Variants in BCAP31 observed in about 807,000 individuals in gnomAD.
BCAP31 encodes B-cell receptor-associated protein 31.
For synonymous variants in BCAP31, 75 were observed against 80.9 expected (o/e 0.93, Z 0.39); for missense variants, 124 against 193.0 (o/e 0.64, Z 2.12).
chrX:153,703,530 C>A (rs1374152836), intron 5 of BCAP31, among the ~76,000 whole-genome samples: 1 of 113,224 alleles, frequency 8.8e-6, no homozygotes, highest in African/African-American at 3.2e-5. Context: ...CCTGACGGGA[C>A]GTCTAAGACT....
chrX:153,723,649 A>C, intron 1 of BCAP31: 4 of 1,158,203 alleles, frequency 3.5e-6, no homozygotes, highest in Non-Finnish European at 4.6e-6. Context: ...CAAGAGGAGG[A>C]CGCCTCGGCA....
chrX:153,723,955 C>G, intron 1 of BCAP31: 1 of 460,415 alleles, frequency 2.2e-6, no homozygotes, highest in Non-Finnish European at 4.0e-6. Context: ...GACCAAGCAC[C>G]TCAAGGCCCC....
chrX:153,711,978 C>T (rs2091594923), intron 4 of BCAP31, among the ~76,000 whole-genome samples: 1 of 108,252 alleles, frequency 9.2e-6, no homozygotes, highest in African/African-American at 3.3e-5. Flanking sequence ...AAGAAAGAGA[C>T]AGATAATAGG....
At chrX:153,717,186 G>A (rs533075409) in intron 3 of BCAP31, among the ~76,000 whole-genome samples, 4 of 112,343 alleles carry the variant, frequency 3.6e-5, no homozygotes, top group East Asian at 5.6e-4. Context: ...GGTGCAGAGT[G>A]GGCACTGAAA....
At chrX:153,719,104 G>T (rs917051644) in intron 3 of BCAP31, among the ~76,000 whole-genome samples, 2 of 111,879 alleles carry the variant, frequency 1.8e-5, no homozygotes, top group African/African-American at 6.5e-5. Flanking sequence ...TCCCAAAAAA[G>T]AATGAAGGCT....
intron 3 of BCAP31, among the ~76,000 whole-genome samples, chrX:153,716,581 A>C (rs1403178309): frequency 6.3e-5 from 6 of 95,004 alleles, no homozygotes; most frequent in African/African-American, 1.5e-4. Context: ...CTCTCAACAA[A>C]AAAAAAAAAA....
At chrX:153,717,873 A>AC (rs1398571070) in intron 3 of BCAP31, among the ~76,000 whole-genome samples, 1 of 112,619 alleles carries the variant, frequency 8.9e-6, no homozygotes, top group African/African-American at 3.2e-5. Flanking sequence ...AAATGTTCAT[A>AC]CCCTCGGGTT....
intron 4 of BCAP31, among the ~76,000 whole-genome samples, chrX:153,711,118 G>A (rs1353488139): frequency 1.8e-5 from 2 of 111,047 alleles, no homozygotes; most frequent in African/African-American, 3.3e-5. Flanking sequence ...CACCTAGCAC[G>A]ATAGTGTTAC....
At chrX:153,722,865 G>C (rs1446080719) in intron 2 of BCAP31, among the ~76,000 whole-genome samples, 6 of 110,297 alleles carry the variant, frequency 5.4e-5, no homozygotes, top group African/African-American at 9.9e-5. Context: ...GAGTGGGTGG[G>C]AGGGCATCAT....
intron 4 of BCAP31, among the ~76,000 whole-genome samples, chrX:153,712,505 A>C (rs185822176): frequency 4.4e-4 from 49 of 112,250 alleles, no homozygotes; most frequent in African/African-American, 1.6e-3. Context: ...CACTCAAGTC[A>C]CCAAGGGGCA....
At chrX:153,712,938 G>A (rs1428156858) in intron 4 of BCAP31, among the ~76,000 whole-genome samples, 1 of 111,855 alleles carries the variant, frequency 8.9e-6, no homozygotes, top group African/African-American at 3.3e-5. Flanking sequence ...AGGCGCGGTG[G>A]CTCACGCCTG....
chrX:153,714,327 T>A (rs1603227510), intron 4 of BCAP31, among the ~76,000 whole-genome samples: 1 of 110,842 alleles, frequency 9.0e-6, no homozygotes, highest in African/African-American at 3.3e-5. Flanking sequence ...CTTTCAGATC[T>A]GCTTCCCTTT....
chrX:153,712,203 C>T (rs1452211637), intron 4 of BCAP31, among the ~76,000 whole-genome samples: 4 of 110,737 alleles, frequency 3.6e-5, no homozygotes, highest in African/African-American at 1.3e-4. Context: ...GGGAGGATTT[C>T]TTGAGCCCAG....
At chrX:153,705,294 T>C (rs1300110385) in intron 4 of BCAP31, 1 of 113,113 alleles carries the variant, frequency 8.8e-6, no homozygotes, top group African/African-American at 3.2e-5. Flanking sequence ...GCCCAAGCCA[T>C]GGCTCTCCAG....
At chrX:153,703,134 G>A (rs2091530258) in intron 5 of BCAP31, 76 bp from the exon 6 acceptor site, 1 of 1,163,969 alleles carries the variant, frequency 8.6e-7, no homozygotes. Context: ...TCCCCACCGA[G>A]CTGCGGTTCC....
At chrX:153,721,177 T>C (rs1156471699) in intron 2 of BCAP31, 1 of 386,349 alleles carries the variant, frequency 2.6e-6, no homozygotes, top group African/African-American at 2.5e-5. Flanking sequence ...GGCTCACACC[T>C]GTAATCTCAG....
At chrX:153,723,710 G>A (rs1557051640) in intron 1 of BCAP31, 2 of 1,135,723 alleles carry the variant, frequency 1.8e-6, no homozygotes, top group Admixed American at 2.7e-5. Context: ...GCAGAGGCGG[G>A]CGCTCTGCGG....
At chrX:153,704,132 A>C in intron 4 of BCAP31, 38 bp from the exon 5 acceptor site, 1 of 1,183,090 alleles carries the variant, frequency 8.5e-7, no homozygotes, top group Non-Finnish European at 1.1e-6. Flanking sequence ...AAGTGAGAAA[A>C]AGAGCATGAA....
chrX:153,723,734 C>G, intron 1 of BCAP31: 1 of 1,106,406 alleles, frequency 9.0e-7, no homozygotes, highest in South Asian at 2.1e-5. Context: ...CAAATCCCCG[C>G]TACCAGGCAG....
Sources: gnomAD v4.1 joint callset for allele counts (sites outside exome capture counted in the v4.1 genomes callset) on GRCh38, gnomAD v4.1.1 for gene constraint, MANE v1.5 for transcripts, NCBI Gene and HGNC (gene_info 2026-07-23, HGNC 2026-07-21) for gene names.